Variants in KCNN2 observed in about 807,000 individuals in gnomAD.
KCNN2 encodes the protein small conductance calcium-activated potassium channel protein 2.
Under a neutral mutation model 55.5 loss-of-function variants are expected in KCNN2, and 24 were observed. The observed-to-expected ratio is 0.43, with a 90% confidence interval of 0.31 to 0.61. The LOEUF (loss-of-function observed/expected upper bound fraction) is 0.61, where lower values mean the gene tolerates loss of function less well. Among genes scored for constraint, KCNN2 ranks in the 20% least tolerant of loss-of-function variants. The pLI, the probability that KCNN2 is intolerant of heterozygous loss-of-function variation, is 0.08. For synonymous variants in KCNN2, 431 were observed against 336.1 expected (o/e 1.28, Z -3.09); for missense variants, 754 against 853.6 (o/e 0.88, Z 1.45).
chr5:114,256,505 G>A (rs980750094), intron 2 of KCNN2, among the ~76,000 whole-genome samples: 7 of 152,098 alleles, frequency 4.6e-5, no homozygotes, highest in African/African-American at 1.4e-4. Flanking sequence ...AGTGTTGTAT[G>A]TGTTTCCTTT....
chr5:114,270,150 T>C (rs550929171), intron 2 of KCNN2, among the ~76,000 whole-genome samples: 8 of 152,324 alleles, frequency 5.3e-5, no homozygotes, highest in African/African-American at 1.9e-4. Flanking sequence ...TTTATAGTAA[T>C]TGTTGGTTAT....
intron 1 of KCNN2, among the ~76,000 whole-genome samples, chr5:114,074,213 A>G (rs1311486555): frequency 6.6e-6 from 1 of 151,994 alleles, no homozygotes; most frequent in South Asian, 2.1e-4. Flanking sequence ...GAGAGTAGGT[A>G]TGCTCTACCA....
Position 114,476,753 on chromosome 5 carries a change from C to G in KCNN2, c.1890+3589C>G, listed in dbSNP as rs79432612. Among the ~76,000 whole-genome samples the G allele has an allele frequency of 8.7e-4, 132 of 152,066 alleles. 1 individual carries two copies. The highest frequency in any genetic ancestry group is 6.8e-3 in the East Asian group (35 of 5,156). Reference sequence around the variant, plus strand: ...CCATTTAGTGACATCCAAGATGTCACTAAATAAAGATATTAATGTTAAAAT... The same window carrying G: ...CCATTTAGTGACATCCAAGATGTCAGTAAATAAAGATATTAATGTTAAAAT... On this transcript the variant is annotated intron_variant, in intron 5 of 7. Transcript: ENST00000673685.
chr5:114,116,111 T>C (rs1751703981), intron 1 of KCNN2, among the ~76,000 whole-genome samples: 1 of 152,102 alleles, frequency 6.6e-6, no homozygotes, highest in Non-Finnish European at 1.5e-5. Flanking sequence ...TTCTTGTTCC[T>C]TCCAGGTGAA....
At position 114,328,934 on chromosome 5, in the gene KCNN2, CT is replaced by C. The variant is rs1282127838; in HGVS notation, c.-184-32008del. 2.6e-5 allele frequency among the ~76,000 whole-genome samples: 4 copies of C among 152,152 alleles called. No homozygotes were observed. The East Asian group carries it at 7.7e-4, about 29-fold the overall frequency. On this transcript the variant is annotated intron_variant, in intron 2 of 10. Transcript: ENST00000512097. ...AAAGTGTGTATAGTGTGTATTTCTG[CT>C]TTCTACAATCCTTAATTATGTTCCC...
At chr5:114,210,818 C>G (rs1753866812) in intron 1 of KCNN2, among the ~76,000 whole-genome samples, 1 of 152,114 alleles carries the variant, frequency 6.6e-6, no homozygotes, top group Non-Finnish European at 1.5e-5. Context: ...AGGGTTTAAA[C>G]TATTTCTTAT....
chr5:114,141,960 C>A (rs1365629664), intron 1 of KCNN2, among the ~76,000 whole-genome samples: 1 of 152,034 alleles, frequency 6.6e-6, no homozygotes, highest in Non-Finnish European at 1.5e-5. Flanking sequence ...TATCCTTTGC[C>A]CACTTTTTGA....
chr5:114,456,129 A>T (rs1760917904), intron 3 of KCNN2, among the ~76,000 whole-genome samples: 1 of 152,174 alleles, frequency 6.6e-6, no homozygotes, highest in African/African-American at 2.4e-5. Flanking sequence ...GGAATTCCAT[A>T]GCTAGAGTGG....
intron 4 of KCNN2, among the ~76,000 whole-genome samples, chr5:114,472,295 G>A (rs1450625707): frequency 3.3e-5 from 5 of 152,130 alleles, no homozygotes; most frequent in East Asian, 1.9e-4. Flanking sequence ...ATCACGGAGC[G>A]GGAGGACTGT....
chr5:114,290,342 GA>G (rs1478246924), intron 2 of KCNN2, among the ~76,000 whole-genome samples: 1 of 152,066 alleles, frequency 6.6e-6, no homozygotes, highest in African/African-American at 2.4e-5. Context: ...ATATTTCCAT[GA>G]ATTTATATTC....
chr5:114,061,179 A>G (rs1750320606), intron 1 of KCNN2, among the ~76,000 whole-genome samples: 1 of 152,186 alleles, frequency 6.6e-6, no homozygotes, highest in Admixed American at 6.5e-5. Context: ...TCTGCTTTCA[A>G]GGAAATCACA....
chr5:114,440,511 T>C (rs1760165848), intron 3 of KCNN2, among the ~76,000 whole-genome samples: 1 of 152,082 alleles, frequency 6.6e-6, no homozygotes, highest in African/African-American at 2.4e-5. Flanking sequence ...AAAATAGCCC[T>C]CTGGATAAAT....
At chr5:114,392,789 G>A (rs377132326) in intron 2 of KCNN2, among the ~76,000 whole-genome samples, 57 of 142,698 alleles carry the variant, frequency 4.0e-4, no homozygotes, top group African/African-American at 1.4e-3. Context: ...GCTTTCTTCT[G>A]TAGTGTTTTT....
At chr5:114,374,841 G>T (rs1434103673) in intron 2 of KCNN2, among the ~76,000 whole-genome samples, 1 of 152,006 alleles carries the variant, frequency 6.6e-6, no homozygotes, top group Non-Finnish European at 1.5e-5. Context: ...TTAATATTCT[G>T]GGCATTTTTG....
At chr5:114,178,796 C>T (rs1028713702) in intron 1 of KCNN2, among the ~76,000 whole-genome samples, 7 of 152,068 alleles carry the variant, frequency 4.6e-5, no homozygotes, top group Middle Eastern at 3.2e-3. Context: ...CTAAGGAGGC[C>T]GGATCATGTG....
At chr5:114,373,658 A>ATATATATATATATAT (rs1554084191) in intron 2 of KCNN2, among the ~76,000 whole-genome samples, 105 of 104,418 alleles carry the variant, frequency 1.0e-3, no homozygotes, top group East Asian at 1.9e-3. Flanking sequence ...ATATATATAT[A>ATATATATATATATAT]AAATTACTTG....
At chr5:114,081,747 CAAAAG>C (rs1750823732) in intron 1 of KCNN2, among the ~76,000 whole-genome samples, 1 of 151,978 alleles carries the variant, frequency 6.6e-6, no homozygotes, top group Non-Finnish European at 1.5e-5. Flanking sequence ...GCACGGGCAA[CAAAAG>C]AAAAAGTAAA....
chr5:114,468,062 C>T (rs1216805907), intron 4 of KCNN2, among the ~76,000 whole-genome samples: 1 of 152,174 alleles, frequency 6.6e-6, no homozygotes, highest in African/African-American at 2.4e-5. Context: ...ACACCACACA[C>T]TCTCCCCTCT....
At chr5:114,304,030 A>G (rs1188332741) in intron 2 of KCNN2, among the ~76,000 whole-genome samples, 3 of 152,220 alleles carry the variant, frequency 2.0e-5, no homozygotes, top group African/African-American at 7.2e-5. Flanking sequence ...ACTGTTATAT[A>G]CTTTATTTTG....
Sources: allele counts gnomAD v4.1 joint callset (sites outside exome capture counted in the v4.1 genomes callset), GRCh38; gene constraint gnomAD v4.1.1; transcripts MANE v1.5; gene names NCBI Gene and HGNC (gene_info 2026-07-23, HGNC 2026-07-21).